Variants in HERC1 observed in about 807,000 individuals in gnomAD.
HERC1 encodes the protein probable E3 ubiquitin-protein ligase HERC1.
A neutral mutation model predicts 554.3 loss-of-function variants in HERC1; 160 were observed. The observed-to-expected ratio is 0.29, with a 90% confidence interval of 0.25 to 0.33. The LOEUF is 0.33. Among genes scored for constraint, HERC1 ranks in the 10% least tolerant of loss-of-function variants. HERC1 has a pLI of 1.00. For missense variants in HERC1, 4,919 were observed against 5,918.5 expected, an observed-to-expected ratio of 0.83 and a Z score of 5.54; for synonymous variants, 2,175 against 2,131.7, an observed-to-expected ratio of 1.02 and a Z score of -0.56.
intron 71 of HERC1, 37 bp from the exon 72 acceptor site, chr15:63,624,364 T>C (rs1442601438): frequency 6.6e-6 from 10 of 1,522,432 alleles, no homozygotes; most frequent in Non-Finnish European, 8.9e-6. Context: ...AATGGTACAA[T>C]CTAGGCTTAA....
intron 22 of HERC1, among the ~76,000 whole-genome samples, chr15:63,714,698 G>A (rs1048529393): frequency 2.6e-5 from 4 of 151,732 alleles, no homozygotes; most frequent in East Asian, 3.9e-4. Flanking sequence ...ACAGATGCGC[G>A]CCACCACACC....
chr15:63,739,195 C>CTTTTTTTTTTTTTT (rs1205943240), intron 12 of HERC1, among the ~76,000 whole-genome samples: 9 of 102,276 alleles, frequency 8.8e-5, no homozygotes, highest in African/African-American at 3.3e-4. Context: ...CACTAATATA[C>CTTTTTTTTTTTTTT]TTTTTTTTTT....
intron 74 of HERC1, among the ~76,000 whole-genome samples, chr15:63,620,596 T>A (rs1245334186): frequency 6.6e-6 from 1 of 152,168 alleles, no homozygotes. Flanking sequence ...CAGTGGGGTG[T>A]TAAAGTCTCC....
intron 55 of HERC1, among the ~76,000 whole-genome samples, chr15:63,646,132 T>G (rs757611707): frequency 2.0e-5 from 3 of 152,220 alleles, no homozygotes; most frequent in Non-Finnish European, 4.4e-5. Flanking sequence ...ATCATTGTGC[T>G]CTTCTGATTT....
At position 63,677,950 on chromosome 15, in the gene HERC1, C is replaced by G. The variant is rs374367917; in HGVS notation, c.6965G>C (p.Arg2322Pro). The change falls in exon 37 of 78, where the codon CGG becomes CCG. Residue 2322 changes from arginine to proline, a missense_variant. By Grantham distance (103) the Arg-to-Pro change is moderately radical. Around this residue, in one of 11 missense-constraint regions of HERC1, gnomAD observed 1,963 missense variants for 2,228.6 expected, o/e 0.88. Coordinates refer to ENST00000443617, the MANE Select transcript of HERC1 (RefSeq NM_003922.4). The surrounding 1 kb of genome is among the most constrained non-coding windows in gnomAD (Gnocchi z 4.4). ...GCGCCCAGTTTGCTTGTGAACACAC[C>G]GACCTCCAACTCTAAGACCAGCATC... is the stretch of plus-strand genomic sequence containing the variant. ...GVDAGLRVGG[R>P]CVHKQTGRHA... is the part of the protein sequence containing the mutation. The G allele has an allele frequency of 3.7e-6, 6 of 1,613,860 alleles. No individual in the cohort carries two copies. Among genetic ancestry groups the G allele is most frequent in the Non-Finnish European group, 4.2e-6 (5 of 1,179,890 alleles).
intron 70 of HERC1, among the ~76,000 whole-genome samples, chr15:63,628,409 G>A (rs2068400567): frequency 6.6e-6 from 1 of 152,138 alleles, no homozygotes. Context: ...CTTAGTTGCT[G>A]CTAAAATTAT....
intron 3 of HERC1, among the ~76,000 whole-genome samples, chr15:63,762,260 G>A (rs2075636098): frequency 6.6e-6 from 1 of 152,178 alleles, no homozygotes; most frequent in East Asian, 1.9e-4. Context: ...GACCTTCACT[G>A]CAGATAATAA....
intron 24 of HERC1, among the ~76,000 whole-genome samples, chr15:63,710,250 A>G (rs915453931): frequency 3.3e-5 from 5 of 152,220 alleles, no homozygotes; most frequent in Non-Finnish European, 7.3e-5. Context: ...TAGCACAATC[A>G]GCAGGTAGGT....
rs1046431256 is a variant in HERC1, at chr15:63,635,140, T to C, written c.12415-252A>G. Among the ~76,000 whole-genome samples the C allele has an allele frequency of 4.6e-5, 7 of 152,140 alleles. No individual in the cohort carries two copies. The South Asian group carries it at 1.2e-3, about 27-fold the overall frequency. ...ACAGCTCACTGCAGCCCCAAACTCC[T>C]GGGCTCAAGCAATCCTCCCACCTCA... On this transcript the variant is annotated intron_variant, in intron 65 of 77. Transcript: ENST00000443617.
intron 1 of HERC1, among the ~76,000 whole-genome samples, chr15:63,801,668 A>T (rs2076991917): frequency 6.6e-6 from 1 of 152,226 alleles, no homozygotes; most frequent in Admixed American, 6.5e-5. Flanking sequence ...GAATCCAGGT[A>T]GTCCATTATG....
At chr15:63,801,075 C>T (rs1465665427) in intron 1 of HERC1, among the ~76,000 whole-genome samples, 2 of 152,148 alleles carry the variant, frequency 1.3e-5, no homozygotes, top group Admixed American at 1.3e-4. Context: ...CATCAAGATG[C>T]TGGGAGGGTG....
chr15:63,765,986 G>A (rs1596194440), intron 2 of HERC1, among the ~76,000 whole-genome samples: 2 of 152,114 alleles, frequency 1.3e-5, no homozygotes, highest in East Asian at 1.9e-4. Context: ...CATCTCCCAG[G>A]CATTGTCCTT....
At position 63,628,689 on chromosome 15, in the gene HERC1, G is replaced by A; in HGVS notation, c.13093C>T (p.Pro4365Ser). The part of the protein sequence containing the change: ...SAAWTAPPVP[P>S]RAPGVSVPLQ... ...TTTCATTCCTCACCTGGTGCTCTTG[G>A]TGGGACAGGTGGTGCTGTCCATGCA... The change falls in exon 70 of 78, where the codon CCA becomes TCA. Residue 4365 changes from proline (P) to serine (S), a missense_variant. Pro to Ser is a moderately conservative substitution (Grantham distance 74, BLOSUM62 -1). This residue lies in a region of HERC1 where 410 missense variants were observed against 467.0 expected (regional missense o/e 0.88). Transcript: ENST00000443617. The A allele has an allele frequency of 6.2e-7, 1 of 1,609,028 alleles. No homozygotes were observed. Among genetic ancestry groups the A allele is most frequent in the South Asian group, 1.1e-5 (1 of 90,394 alleles).
intron 1 of HERC1, among the ~76,000 whole-genome samples, chr15:63,786,935 A>T (rs12916245): frequency 0.48 from 64,177 of 134,576 alleles, 15,580 homozygotes; most frequent in Non-Finnish European, 0.56. Context: ...TTTTTTTTTT[A>T]TTTTTTGAGA....
At chr15:63,822,358 G>A (rs1215785978) in intron 1 of HERC1, among the ~76,000 whole-genome samples, 1 of 152,176 alleles carries the variant, frequency 6.6e-6, no homozygotes, top group Non-Finnish European at 1.5e-5. Flanking sequence ...AGCCGAGGCG[G>A]GCAGATCACT....
At chr15:63,807,566 C>T (rs1406152965) in intron 1 of HERC1, among the ~76,000 whole-genome samples, 2 of 152,136 alleles carry the variant, frequency 1.3e-5, no homozygotes, top group African/African-American at 4.8e-5. Context: ...TTAACCCTTC[C>T]CAAAACTCTA....
chr15:63,706,492 T>C (rs1281899593), intron 25 of HERC1, among the ~76,000 whole-genome samples: 1 of 152,180 alleles, frequency 6.6e-6, no homozygotes, highest in East Asian at 1.9e-4. Context: ...TAGAATTCTA[T>C]AGGACTTTTA....
In HERC1 at chr15:63,718,474, T is replaced by A. The variant is rs557430589; in HGVS notation, c.3978+100A>T. On this transcript the variant is annotated intron_variant, in intron 21 of 77. Transcript: ENST00000443617. The surrounding 1 kb of genome is among the most constrained non-coding windows in gnomAD (Gnocchi z 4.2). Reference sequence around the variant, plus strand: ...AACTACTCAACATGTATTGAACATATGCAATAACCAAGGCACATTTTTTTC... The same window carrying A: ...AACTACTCAACATGTATTGAACATAAGCAATAACCAAGGCACATTTTTTTC... The A allele has an allele frequency of 1.7e-5, 19 of 1,135,540 alleles. No homozygotes were observed. The highest frequency in any genetic ancestry group is 2.3e-5 in the Non-Finnish European group (19 of 816,656). The allele number at this position is 1,135,540 out of a possible 1,614,324, so 70.3% of individuals were successfully genotyped here. A position where few individuals can be genotyped will look rare whatever the true frequency, so the allele number is the denominator to read the frequency against.
At chr15:63,733,239 T>A in intron 13 of HERC1, 94 bp from the exon 14 acceptor site, 1 of 753,988 alleles carries the variant, frequency 1.3e-6, no homozygotes, top group Non-Finnish European at 2.3e-6. Context: ...CTAATCCACT[T>A]ACTAGCTTAA....
Sources: gnomAD v4.1 joint callset for allele counts (sites outside exome capture counted in the v4.1 genomes callset) on GRCh38, gnomAD v4.1.1 for gene constraint, gnomAD v4.1.1 regional missense constraint, Gnocchi (gnomAD v3.1) non-coding constraint, MANE v1.5 for transcripts, NCBI Gene and HGNC (gene_info 2026-07-23, HGNC 2026-07-21) for gene names.